The following ADGRL3 variants were observed in gnomAD, a reference collection of about 807,000 sequenced individuals.
ADGRL3 encodes adhesion G protein-coupled receptor L3, also known as calcium-independent alpha-latrotoxin receptor 3.
ADGRL3 carries 62 observed loss-of-function variants against 153.5 expected under a neutral mutation model. The observed-to-expected ratio is 0.40, with a 90% CI of 0.33 to 0.50. The LOEUF (loss-of-function observed/expected upper bound fraction) is 0.50, where lower values mean the gene tolerates loss of function less well. Among genes scored for constraint, ADGRL3 ranks in the 20% least tolerant of loss-of-function variants. The probability of loss-of-function intolerance (pLI) is 0.47; values close to 1 mark genes in which losing one functional copy is unlikely to be tolerated. For synonymous variants in ADGRL3, 710 were observed against 672.5 expected, an observed-to-expected ratio of 1.06 and a Z score of -0.86; for missense variants, 1,641 against 1,859.4, an observed-to-expected ratio of 0.88 and a Z score of 2.16.
intron 17 of ADGRL3, among the ~76,000 whole-genome samples, chr4:61,970,325 C>T (rs2099022441): frequency 6.6e-6 from 1 of 152,112 alleles, no homozygotes; most frequent in South Asian, 2.1e-4. Flanking sequence ...AGCTTCATTT[C>T]CTACCTTCAT....
At position 61,804,235 on chromosome 4, in the gene ADGRL3, G is replaced by A. The variant is rs1396926479; in HGVS notation, c.1400-9574G>A. 2.6e-5 allele frequency among the ~76,000 whole-genome samples: 4 copies of A among 151,986 alleles called. No individual in the cohort carries two copies. The South Asian group carries it at 8.3e-4, about 32-fold the overall frequency. On this transcript the variant is annotated intron_variant, in intron 8 of 26. Coordinates refer to ENST00000683033, the MANE Select transcript of ADGRL3 (RefSeq NM_001387552.1). Reference sequence around the variant, plus strand: ...TTCTGATCCCATTTTTGTAAGCCTTGCAATACCTTTGCAAGGAACTTCCCA... The same window carrying A: ...TTCTGATCCCATTTTTGTAAGCCTTACAATACCTTTGCAAGGAACTTCCCA...
chr4:62,037,646 A>T (rs1285925775), intron 23 of ADGRL3, 85 bp from the exon 24 acceptor site: 2 of 1,418,306 alleles, frequency 1.4e-6, no homozygotes, highest in Non-Finnish European at 9.9e-7. Flanking sequence ...ACATTATCTA[A>T]AAATAAAACT....
At chr4:61,771,540 T>G (rs1353640442) in intron 8 of ADGRL3, among the ~76,000 whole-genome samples, 1 of 152,234 alleles carries the variant, frequency 6.6e-6, no homozygotes, top group Non-Finnish European at 1.5e-5. Context: ...AATCCCCTTT[T>G]GTCCCCTAAT....
intron 2 of ADGRL3, among the ~76,000 whole-genome samples, chr4:61,494,569 T>C (rs2098293310): frequency 6.6e-6 from 1 of 152,218 alleles, no homozygotes; most frequent in Non-Finnish European, 1.5e-5. Context: ...CTTATGACAA[T>C]TGAGAATAGA....
At chr4:61,666,634 C>T in intron 5 of ADGRL3, among the ~76,000 whole-genome samples, 1 of 151,216 alleles carries the variant, frequency 6.6e-6, no homozygotes. Flanking sequence ...CAGTGAAATG[C>T]ACATTGTTTT....
chr4:61,858,783 G>A (rs1485911966), intron 9 of ADGRL3, among the ~76,000 whole-genome samples: 1 of 152,126 alleles, frequency 6.6e-6, no homozygotes, highest in African/African-American at 2.4e-5. Flanking sequence ...CAGAGAGTGG[G>A]TCAGATTTGG....
chr4:61,560,788 T>G (rs576358401), intron 4 of ADGRL3, among the ~76,000 whole-genome samples: 9 of 152,154 alleles, frequency 5.9e-5, no homozygotes, highest in African/African-American at 1.7e-4. Context: ...CTATATAGAT[T>G]TCCCTATTTA....
At chr4:61,374,187 C>T (rs931618364) in intron 1 of ADGRL3, among the ~76,000 whole-genome samples, 17 of 152,116 alleles carry the variant, frequency 1.1e-4, no homozygotes, top group African/African-American at 4.1e-4. Flanking sequence ...AATATCCCTC[C>T]TATTCAAGTG....
At chr4:61,559,344 A>G (rs1266260871) in intron 4 of ADGRL3, among the ~76,000 whole-genome samples, 1 of 152,136 alleles carries the variant, frequency 6.6e-6, no homozygotes, top group Non-Finnish European at 1.5e-5. Flanking sequence ...AATTCCATTT[A>G]ATTTTTGTGG....
At chr4:62,036,340 C>G (rs1724977872) in intron 23 of ADGRL3, among the ~76,000 whole-genome samples, 1 of 151,938 alleles carries the variant, frequency 6.6e-6, no homozygotes, top group Non-Finnish European at 1.5e-5. Context: ...TGAAGACTTT[C>G]TGGGAAGCCC....
At position 61,865,728 on chromosome 4, in the gene ADGRL3, CACTTG is replaced by C. The variant is rs201884093; in HGVS notation, c.1481-26924_1481-26920del. Among the ~76,000 whole-genome samples the C allele has an allele frequency of 1.2e-3, 181 of 152,242 alleles. 3 individuals carry two copies. The East Asian group carries it at 0.032, about 27-fold the overall frequency. On this transcript the variant is annotated intron_variant, in intron 9 of 26. Transcript: ENST00000683033. ...TCTCAGTTTCTCCACCTGATATTTC[CACTTG>C]ACTCTTGTTTGCTAGACTACCTCTG...
intron 13 of ADGRL3, among the ~76,000 whole-genome samples, chr4:61,925,348 CCTCTA>C (rs2098789948): frequency 6.6e-6 from 1 of 152,142 alleles, no homozygotes; most frequent in Non-Finnish European, 1.5e-5. Context: ...AATTCTTCTT[CCTCTA>C]CTCAGTTTTT....
intron 5 of ADGRL3, among the ~76,000 whole-genome samples, chr4:61,643,419 G>A (rs1016381668): frequency 3.3e-5 from 5 of 151,800 alleles, no homozygotes; most frequent in Non-Finnish European, 5.9e-5. Context: ...GATATTGGCT[G>A]TGGGTTTTTC....
intron 5 of ADGRL3, among the ~76,000 whole-genome samples, chr4:61,670,466 G>T (rs1349310741): frequency 6.6e-6 from 1 of 152,032 alleles, no homozygotes; most frequent in Non-Finnish European, 1.5e-5. Flanking sequence ...ACATGAGATA[G>T]TGGGCTGCTA....
At chr4:61,608,972 G>A (rs904188224) in intron 5 of ADGRL3, among the ~76,000 whole-genome samples, 2 of 152,038 alleles carry the variant, frequency 1.3e-5, no homozygotes, top group Non-Finnish European at 2.9e-5. Context: ...AGGTAAAAAA[G>A]TAATAGTTAT....
At chr4:61,709,740 A>C (rs1028173502) in intron 6 of ADGRL3, among the ~76,000 whole-genome samples, 1 of 152,200 alleles carries the variant, frequency 6.6e-6, no homozygotes, top group Non-Finnish European at 1.5e-5. Context: ...TTATTGAATA[A>C]ATTGTTTTTA....
In ADGRL3 at chr4:61,311,620, C is replaced by T. The variant is rs538731357; in HGVS notation, c.-239-71504C>T. Among the ~76,000 whole-genome samples, 257 of 152,208 alleles carry T rather than the reference C, an allele frequency of 1.7e-3. 3 individuals carry two copies. The highest frequency in any genetic ancestry group is 5.6e-4 in the Non-Finnish European group (38 of 67,988). ...TAACTACCTTATGTGTCTTAGTGTT[C>T]ATAACACATCATTTAAAATTGAGAA... is the stretch of plus-strand genomic sequence containing the variant. On this transcript the variant is annotated intron_variant, in intron 1 of 26. Transcript: ENST00000683033.
At chr4:61,329,775 A>G (rs950522121) in intron 1 of ADGRL3, among the ~76,000 whole-genome samples, 1 of 152,210 alleles carries the variant, frequency 6.6e-6, no homozygotes. Context: ...CTAATGGTGG[A>G]CATATGGAGT....
intron 21 of ADGRL3, among the ~76,000 whole-genome samples, chr4:61,998,488 T>C (rs927203666): frequency 1.3e-5 from 2 of 152,164 alleles, no homozygotes; most frequent in African/African-American, 4.8e-5. Context: ...AATTCTAATT[T>C]GGAACATGAT....
Sources: allele counts gnomAD v4.1 joint callset (sites outside exome capture counted in the v4.1 genomes callset), GRCh38; gene constraint gnomAD v4.1.1; transcripts MANE v1.5; gene names NCBI Gene and HGNC (gene_info 2026-07-23, HGNC 2026-07-21).